Variants in CLNK observed in about 807,000 individuals in gnomAD.
CLNK encodes the protein cytokine-dependent hematopoietic cell linker.
CLNK carries 74 observed loss-of-function variants against 68.6 expected under a neutral mutation model. The observed-to-expected ratio is 1.08, with a 90% confidence interval of 0.89 to 1.31. CLNK has a LOEUF of 1.31. Among genes scored for constraint, CLNK ranks in the 50% most tolerant of loss-of-function variants. CLNK has a pLI of 0.00. For synonymous variants in CLNK, 198 were observed against 172.2 expected (o/e 1.15, Z -1.17); for missense variants, 553 against 515.3 (o/e 1.07, Z -0.71).
chr4:10,556,264 T>C (rs1374340756), intron 8 of CLNK, among the ~76,000 whole-genome samples: 3 of 152,230 alleles, frequency 2.0e-5, no homozygotes, highest in African/African-American at 2.4e-5. Context: ...CTTGATTCCC[T>C]TTTTGCTTAG....
At chr4:10,551,160 G>A (rs529621663) in intron 8 of CLNK, among the ~76,000 whole-genome samples, 2 of 152,250 alleles carry the variant, frequency 1.3e-5, no homozygotes, top group East Asian at 3.9e-4. Context: ...CTGAAACTGT[G>A]GAAAGTGAAA....
intron 12 of CLNK, among the ~76,000 whole-genome samples, chr4:10,531,984 A>AT (rs1718562344): frequency 6.6e-6 from 1 of 152,202 alleles, no homozygotes; most frequent in South Asian, 2.1e-4. Context: ...TCGATACTGT[A>AT]TATCTTCCAT....
chr4:10,724,954 G>A, the CLNK span, among the ~76,000 whole-genome samples: 1 of 152,126 alleles, frequency 6.6e-6, no homozygotes, highest in Non-Finnish European at 1.5e-5. Flanking sequence ...GGGCAGTGGT[G>A]GAAGAACTTA....
chr4:10,631,382 G>C (rs1307422139), intron 2 of CLNK, among the ~76,000 whole-genome samples: 1 of 152,236 alleles, frequency 6.6e-6, no homozygotes, highest in Non-Finnish European at 1.5e-5. Context: ...CCAGAGATAG[G>C]TGGGAGAGGA....
intron 14 of CLNK, among the ~76,000 whole-genome samples, chr4:10,521,845 C>A (rs575220000): frequency 1.3e-5 from 2 of 151,886 alleles, no homozygotes; most frequent in African/African-American, 2.4e-5. Context: ...AATTTCTCTG[C>A]GCTAATAGTA....
chr4:10,517,506 C>A (rs1717882529), intron 15 of CLNK: 1 of 152,118 alleles, frequency 6.6e-6, no homozygotes, highest in South Asian at 2.1e-4. Context: ...CCAGGAAGAT[C>A]CTAACCAAGC....
At chr4:10,621,784 T>C (rs759030500) in intron 2 of CLNK, among the ~76,000 whole-genome samples, 14 of 152,196 alleles carry the variant, frequency 9.2e-5, no homozygotes, top group Non-Finnish European at 1.5e-4. Context: ...CTTTGTGTGC[T>C]GTGGAATATT....
At chr4:10,710,507 G>A in the CLNK span, among the ~76,000 whole-genome samples, 98 of 152,298 alleles carry the variant, frequency 6.4e-4, no homozygotes, top group African/African-American at 2.1e-3. Context: ...TTCAAGAAGT[G>A]ATTATGTGCC....
At chr4:10,658,251 T>TA (rs1461078967) in intron 2 of CLNK, among the ~76,000 whole-genome samples, 1 of 152,242 alleles carries the variant, frequency 6.6e-6, no homozygotes, top group Non-Finnish European at 1.5e-5. Context: ...TATTCTCACT[T>TA]ACAATGAATG....
intron 11 of CLNK, among the ~76,000 whole-genome samples, chr4:10,535,912 G>T (rs1373341777): frequency 6.6e-6 from 1 of 152,098 alleles, no homozygotes; most frequent in Non-Finnish European, 1.5e-5. Flanking sequence ...TACATAAGTG[G>T]CTGAGAATGT....
chr4:10,502,872 G>T (rs1717111901), intron 17 of CLNK, among the ~76,000 whole-genome samples: 1 of 152,092 alleles, frequency 6.6e-6, no homozygotes, highest in Non-Finnish European at 1.5e-5. Flanking sequence ...GAGATTCAGA[G>T]TGACAGAAGC....
chr4:10,566,661 A>G (rs1720126679), intron 5 of CLNK, among the ~76,000 whole-genome samples: 1 of 152,192 alleles, frequency 6.6e-6, no homozygotes, highest in South Asian at 2.1e-4. Flanking sequence ...ATATTTCTAT[A>G]AATTAGTAAT....
chr4:10,658,835 G>A (rs559526876), intron 2 of CLNK, among the ~76,000 whole-genome samples: 1 of 152,362 alleles, frequency 6.6e-6, no homozygotes, highest in Admixed American at 6.5e-5. Flanking sequence ...ACCCTTGAAT[G>A]GGAAGTGTCA....
intron 4 of CLNK, among the ~76,000 whole-genome samples, chr4:10,580,619 C>CA (rs1429362339): frequency 6.7e-6 from 1 of 148,240 alleles, no homozygotes; most frequent in Non-Finnish European, 1.5e-5. Context: ...TAGTTTTTGG[C>CA]AAAAACATTT....
upstream of CLNK, among the ~76,000 whole-genome samples, chr4:10,689,664 A>G (rs1725392125): frequency 6.6e-6 from 1 of 151,310 alleles, no homozygotes; most frequent in Non-Finnish European, 1.5e-5. Context: ...ACTATTGAAC[A>G]CAACCAAAGA....
At chr4:10,728,184 A>G in the CLNK span, among the ~76,000 whole-genome samples, 1 of 152,152 alleles carries the variant, frequency 6.6e-6, no homozygotes, top group African/African-American at 2.4e-5. Flanking sequence ...ACAACAAAGA[A>G]TTATCCAGCC....
the CLNK span, among the ~76,000 whole-genome samples, chr4:10,731,336 C>T: frequency 6.6e-6 from 1 of 152,216 alleles, no homozygotes; most frequent in Non-Finnish European, 1.5e-5. Context: ...GCAATGCAAC[C>T]ACAGGGGATT....
chr4:10,693,338 A>G, the CLNK span, among the ~76,000 whole-genome samples: 1 of 152,252 alleles, frequency 6.6e-6, no homozygotes, highest in Non-Finnish European at 1.5e-5. Context: ...AGATGAAATC[A>G]CTGGGGTAGT....
At chr4:10,491,899 A>G (rs1400837452) in intron 18 of CLNK, among the ~76,000 whole-genome samples, 1 of 152,172 alleles carries the variant, frequency 6.6e-6, no homozygotes, top group Non-Finnish European at 1.5e-5. Flanking sequence ...TGTACCCAGT[A>G]GGTGATTTTT....
Sources: gnomAD v4.1 joint callset for allele counts (sites outside exome capture counted in the v4.1 genomes callset) on GRCh38, gnomAD v4.1.1 for gene constraint, MANE v1.5 for transcripts, NCBI Gene and HGNC (gene_info 2026-07-23, HGNC 2026-07-21) for gene names.